ATXN3: variants seen among roughly 807,000 people sequenced by gnomAD.
The protein encoded by ATXN3 is ataxin 3.
Under a neutral mutation model 58.2 loss-of-function variants are expected in ATXN3, and 28 were observed. The ratio of observed to expected loss-of-function variants is 0.48; its 90% confidence interval spans 0.36 to 0.66. The LOEUF (loss-of-function observed/expected upper bound fraction) is 0.66, where lower values mean the gene tolerates loss of function less well. ATXN3 is among the 30% of genes least tolerant of loss of function. ATXN3 has a pLI of 0.00. For missense variants in ATXN3, 321 were observed against 422.1 expected, an observed-to-expected ratio of 0.76 and a Z score of 2.10; for synonymous variants, 113 against 138.5, an observed-to-expected ratio of 0.82 and a Z score of 1.29.
At chr14:92,051,821 A>G (rs1426234922), upstream of ATXN3, among the ~76,000 whole-genome samples, 1 of 127,270 alleles carries the variant, frequency 7.9e-6, no homozygotes, top group Admixed American at 1.0e-4. Flanking sequence ...TTCGCCTCCC[A>G]GGTTCAAGCG....
intron 10 of ATXN3, among the ~76,000 whole-genome samples, chr14:92,066,775 T>C (rs1321034151): frequency 8.6e-5 from 4 of 46,546 alleles, no homozygotes; most frequent in Admixed American, 1.4e-4. Flanking sequence ...GCCTGGATAA[T>C]TTTTTTTTTT....
intron 3 of ATXN3, 55 bp from the exon 4 acceptor site, chr14:92,093,886 G>T: frequency 9.3e-7 from 1 of 1,079,032 alleles, no homozygotes; most frequent in Non-Finnish European, 1.4e-6. Flanking sequence ...TCCAAATTTA[G>T]GAAGTGTAGC....
At chr14:92,045,097 C>T (rs2057420120) in intron 2 of ATXN3, 1 of 152,190 alleles carries the variant, frequency 6.6e-6, no homozygotes, top group African/African-American at 2.4e-5. Flanking sequence ...TATAAAAGTT[C>T]AAATGGACTG....
downstream of ATXN3, among the ~76,000 whole-genome samples, chr14:92,056,869 G>A (rs1595428118): frequency 6.6e-6 from 1 of 152,174 alleles, no homozygotes; most frequent in East Asian, 1.9e-4. Flanking sequence ...ATTCCCAGAT[G>A]GTTAAGGCAT....
chr14:92,101,273 C>T (rs988560600), intron 1 of ATXN3, among the ~76,000 whole-genome samples: 2 of 152,092 alleles, frequency 1.3e-5, no homozygotes, highest in East Asian at 1.9e-4. Context: ...CAAGGCTACA[C>T]GGAGCTAAGA....
At chr14:92,090,285 G>A (rs2063494070) in intron 5 of ATXN3, 1 of 151,914 alleles carries the variant, frequency 6.6e-6, no homozygotes, top group Non-Finnish European at 1.5e-5. Flanking sequence ...TAATTTTTTT[G>A]TGTGGAGAAG....
intron 6 of ATXN3, among the ~76,000 whole-genome samples, chr14:92,086,842 T>C (rs879782141): frequency 6.6e-6 from 1 of 151,466 alleles, no homozygotes; most frequent in Non-Finnish European, 1.5e-5. Flanking sequence ...GAACTGATTA[T>C]ATAAGAGAGT....
chr14:92,094,046 C>T (rs534904175), intron 3 of ATXN3, among the ~76,000 whole-genome samples: 1 of 150,776 alleles, frequency 6.6e-6, no homozygotes, highest in African/African-American at 2.4e-5. Flanking sequence ...CAGGTTCAAG[C>T]GATTCTCCTC....
intron 1 of ATXN3, among the ~76,000 whole-genome samples, chr14:92,105,158 ACGCCTGTAATCACAGCACTT>A (rs1189304908): frequency 6.6e-6 from 1 of 152,146 alleles, no homozygotes; most frequent in African/African-American, 2.4e-5. Context: ...ACAGTGGCTC[ACGCCTGTAATCACAGCACTT>A]CGAGAGGCCG....
In ATXN3 at chr14:92,070,966, G is replaced by A; in HGVS notation, c.960C>T (p.Ala320=). The change falls in exon 10 of 11, where the codon GCC becomes GCT. Residue 320 remains alanine, a synonymous_variant. Coordinates refer to ENST00000644486, the MANE Select transcript of ATXN3 (RefSeq NM_004993.6). ...CACTCCCAAGTGCTCCTGAACTGGTGGCTGGCCTTTCACATGGATGTGAAC... is the reference window on the plus strand; with the variant it reads ...CACTCCCAAGTGCTCCTGAACTGGTAGCTGGCCTTTCACATGGATGTGAAC... ...GQSSHPCERP[A]TSSGALGSDL... 6.9e-7 allele frequency: 1 copy of A among 1,442,134 alleles called. No homozygotes were observed. Among genetic ancestry groups the A allele is most frequent in the Non-Finnish European group, 9.1e-7 (1 of 1,100,508 alleles). The allele number at this position is 1,442,134 out of a possible 1,614,324, so 89.3% of individuals were successfully genotyped here. A position where few individuals can be genotyped will look rare whatever the true frequency, so the allele number is the denominator to read the frequency against.
chr14:92,054,865 G>C (rs78172661), downstream of ATXN3, among the ~76,000 whole-genome samples: 960 of 146,786 alleles, frequency 6.5e-3, 14 homozygotes, highest in African/African-American at 0.023. Flanking sequence ...TAAAGTCACT[G>C]TTATATTAGT....
At chr14:92,066,601 G>GTTTTTTT (rs66941473) in intron 10 of ATXN3, among the ~76,000 whole-genome samples, 2 of 107,020 alleles carry the variant, frequency 1.9e-5, no homozygotes, top group African/African-American at 3.6e-5. Context: ...TTTTTTTCTT[G>GTTTTTTT]TTTTTTTTTT....
At chr14:92,087,516 G>A (rs577124114) in intron 6 of ATXN3, among the ~76,000 whole-genome samples, 1 of 152,300 alleles carries the variant, frequency 6.6e-6, no homozygotes, top group East Asian at 1.9e-4. Flanking sequence ...CAATCATCAT[G>A]TTTTATGTTA....
chr14:92,053,087 ACTAAAAATAC>A (rs2057453862), upstream of ATXN3, among the ~76,000 whole-genome samples: 1 of 152,136 alleles, frequency 6.6e-6, no homozygotes, highest in Admixed American at 6.5e-5. Flanking sequence ...CCCCGTCTCT[ACTAAAAATAC>A]AAAAAAGCTG....
chr14:92,058,456 T>C (rs1399974749), downstream of ATXN3: 1 of 152,244 alleles, frequency 6.6e-6, no homozygotes, highest in Non-Finnish European at 1.5e-5. Context: ...TTCTGCCTCC[T>C]GGGTAGCTGG....
rs375844803 is a variant in ATXN3, at chr14:92,063,095, T to G, written c.*1225A>C. On this transcript the variant is annotated 3_prime_UTR_variant, in exon 11 of 11. Transcript: ENST00000644486. Reference sequence around the variant, plus strand: ...AATTAAAGAGAATATTTATCAAAACTATGGACTTTCTTATTTATAGATCCA... The same window carrying G: ...AATTAAAGAGAATATTTATCAAAACGATGGACTTTCTTATTTATAGATCCA... The G allele has an allele frequency of 6.5e-5, 10 of 152,764 alleles. No homozygotes were observed. Among genetic ancestry groups the G allele is most frequent in the Admixed American group, 5.2e-4 (8 of 15,292 alleles). 9.5% of individuals were successfully genotyped at this position (152,764 alleles called of 1,614,324 possible).
intron 1 of ATXN3, among the ~76,000 whole-genome samples, chr14:92,103,398 C>A (rs2067324903): frequency 6.6e-6 from 1 of 152,202 alleles, no homozygotes; most frequent in South Asian, 2.1e-4. Flanking sequence ...CCATATATAT[C>A]TCAGAAACTC....
chr14:92,065,521 C>T (rs1329616046), intron 10 of ATXN3, among the ~76,000 whole-genome samples: 1 of 151,572 alleles, frequency 6.6e-6, no homozygotes, highest in Non-Finnish European at 1.5e-5. Context: ...ATTGCTTGAG[C>T]CCAGGAGTTC....
Position 92,071,026 on chromosome 14 carries a change from C to CTGCTGCTGCTGT in ATXN3, c.899_900insACAGCAGCAGCA (p.Gln302_Gln305dup). ...ATAGGTCCCCCTGCTGCTGCTGCTG[C>CTGCTGCTGCTGT]TGCTGCTGTTGCTGCTTTTGCTGCT... On this transcript the variant is annotated inframe_insertion, in exon 10 of 11. Coordinates refer to ENST00000644486, the MANE Select transcript of ATXN3 (RefSeq NM_004993.6). 1 of 1,610,114 alleles carries CTGCTGCTGCTGT rather than the reference C, an allele frequency of 6.2e-7. No individual in the cohort carries two copies. The highest frequency in any genetic ancestry group is 8.5e-7 in the Non-Finnish European group (1 of 1,178,938).
Sources: gnomAD v4.1 joint callset for allele counts (sites outside exome capture counted in the v4.1 genomes callset) on GRCh38, gnomAD v4.1.1 for gene constraint, MANE v1.5 for transcripts, NCBI Gene and HGNC (gene_info 2026-07-23, HGNC 2026-07-21) for gene names.